NKAIN2: variants seen among roughly 807,000 people sequenced by gnomAD.
NKAIN2 encodes the protein sodium/potassium transporting ATPase interacting 2.
Under a neutral mutation model 32.6 loss-of-function variants are expected in NKAIN2, and 14 were observed. The ratio of observed to expected loss-of-function variants is 0.43; its 90% CI spans 0.28 to 0.67. The LOEUF (loss-of-function observed/expected upper bound fraction) is 0.67. NKAIN2 is among the 30% of genes least tolerant of loss of function. The pLI is 0.17. For missense variants in NKAIN2, 198 were observed against 258.3 expected (o/e 0.77, Z 1.60); for synonymous variants, 80 against 87.2 (o/e 0.92, Z 0.46).
chr6:124,480,977 A>C (rs1169274565), intron 3 of NKAIN2, among the ~76,000 whole-genome samples: 1 of 152,132 alleles, frequency 6.6e-6, no homozygotes, highest in African/African-American at 2.4e-5. Context: ...TCTTATTAGG[A>C]GTAACACTGG....
intron 3 of NKAIN2, among the ~76,000 whole-genome samples, chr6:124,633,508 T>G (rs1783651885): frequency 1.3e-5 from 2 of 152,190 alleles, no homozygotes; most frequent in South Asian, 4.1e-4. Context: ...AAAGTGACCA[T>G]GAAATTCATC....
intron 1 of NKAIN2, among the ~76,000 whole-genome samples, chr6:124,233,174 A>G (rs1200105166): frequency 6.6e-6 from 1 of 151,856 alleles, no homozygotes. Flanking sequence ...TAATATTCAT[A>G]CTCTACATGA....
At chr6:124,256,181 G>A (rs1793921013) in intron 1 of NKAIN2, among the ~76,000 whole-genome samples, 1 of 152,140 alleles carries the variant, frequency 6.6e-6, no homozygotes, top group African/African-American at 2.4e-5. Flanking sequence ...TCTGAAGGTA[G>A]GGAAATGTTG....
rs1349389026 is a variant in NKAIN2 at position 124,258,156 on chromosome 6, A to C, written c.55-24849A>C. Among the ~76,000 whole-genome samples, 25 of 152,206 alleles carry C rather than the reference A, an allele frequency of 1.6e-4. No homozygotes were observed. The East Asian group carries it at 4.6e-3, about 28-fold the overall frequency. On this transcript the variant is annotated intron_variant, in intron 1 of 6. Coordinates refer to ENST00000368417, the MANE Select transcript of NKAIN2 (RefSeq NM_001040214.3). ...TTTTTCAAGATTAAAAAAAAAAAAAAACTGAGGTATAGACAGAGGAATTAA... is the reference window on the plus strand; with the variant it reads ...TTTTTCAAGATTAAAAAAAAAAAAACACTGAGGTATAGACAGAGGAATTAA...
chr6:124,254,287 A>G (rs983646016), intron 1 of NKAIN2, among the ~76,000 whole-genome samples: 5 of 152,296 alleles, frequency 3.3e-5, no homozygotes, highest in Admixed American at 6.5e-5. Flanking sequence ...AATTTGCCCA[A>G]TTGAGCAAAT....
chr6:124,073,066 A>C (rs763329238), intron 1 of NKAIN2, among the ~76,000 whole-genome samples: 3 of 152,160 alleles, frequency 2.0e-5, no homozygotes, highest in Non-Finnish European at 2.9e-5. Context: ...CCATGGAGGG[A>C]AGCAGGGTTG....
intron 3 of NKAIN2, among the ~76,000 whole-genome samples, chr6:124,542,620 AC>A (rs1338284834): frequency 6.6e-6 from 1 of 152,188 alleles, no homozygotes; most frequent in Non-Finnish European, 1.5e-5. Flanking sequence ...TTAGGTAAAG[AC>A]ATTTCTCTTA....
At chr6:124,364,621 A>G (rs1799440648) in intron 3 of NKAIN2, among the ~76,000 whole-genome samples, 1 of 152,024 alleles carries the variant, frequency 6.6e-6, no homozygotes, top group South Asian at 2.1e-4. Flanking sequence ...CCAACCTAGA[A>G]TTCTTTACCC....
At chr6:123,970,548 G>A (rs1778292156) in intron 1 of NKAIN2, among the ~76,000 whole-genome samples, 1 of 152,156 alleles carries the variant, frequency 6.6e-6, no homozygotes, top group African/African-American at 2.4e-5. Flanking sequence ...TGAAAGATGA[G>A]GATTTTTGTT....
intron 1 of NKAIN2, among the ~76,000 whole-genome samples, chr6:123,954,900 G>A (rs553802884): frequency 2.1e-4 from 32 of 152,170 alleles, no homozygotes; most frequent in African/African-American, 6.5e-4. Flanking sequence ...TCCAGTGAAG[G>A]AAGCTGTCAG....
At chr6:124,119,110 A>G (rs1324495170) in intron 1 of NKAIN2, among the ~76,000 whole-genome samples, 1 of 152,212 alleles carries the variant, frequency 6.6e-6, no homozygotes, top group East Asian at 1.9e-4. Flanking sequence ...GACCTGAAAG[A>G]CATTCTATTA....
chr6:123,879,269 C>G (rs778357491), intron 1 of NKAIN2, among the ~76,000 whole-genome samples: 1 of 152,144 alleles, frequency 6.6e-6, no homozygotes, highest in Admixed American at 6.5e-5. Flanking sequence ...TGCTTCATGT[C>G]TGCTGCTCAG....
chr6:124,595,496 G>A (rs1782051186), intron 3 of NKAIN2, among the ~76,000 whole-genome samples: 1 of 152,172 alleles, frequency 6.6e-6, no homozygotes, highest in Admixed American at 6.5e-5. Flanking sequence ...AATCTTACTT[G>A]AAGATCTGGA....
intron 2 of NKAIN2, among the ~76,000 whole-genome samples, chr6:124,350,833 G>A (rs547520009): frequency 1.3e-5 from 2 of 152,178 alleles, no homozygotes; most frequent in Admixed American, 1.3e-4. Flanking sequence ...CTGTCAAGAG[G>A]CAACTCATAG....
At chr6:123,911,104 A>G (rs1775155971) in intron 1 of NKAIN2, among the ~76,000 whole-genome samples, 1 of 152,024 alleles carries the variant, frequency 6.6e-6, no homozygotes, top group African/African-American at 2.4e-5. Context: ...GGTCTGGCAT[A>G]TAGACATTTT....
chr6:123,941,001 C>T (rs1055025047), intron 1 of NKAIN2, among the ~76,000 whole-genome samples: 19 of 151,304 alleles, frequency 1.3e-4, no homozygotes, highest in Non-Finnish European at 7.4e-5. Context: ...TTCTTTATGT[C>T]CTTAATTTAT....
intron 1 of NKAIN2, among the ~76,000 whole-genome samples, chr6:124,266,260 T>G (rs567075910): frequency 6.6e-6 from 1 of 152,170 alleles, no homozygotes; most frequent in Non-Finnish European, 1.5e-5. Context: ...ACTCTATATA[T>G]GTGACTGAGA....
intron 3 of NKAIN2, among the ~76,000 whole-genome samples, chr6:124,567,853 C>T (rs183333300): frequency 2.0e-5 from 3 of 152,144 alleles, no homozygotes; most frequent in Admixed American, 6.5e-5. Context: ...GTGAGCCATA[C>T]AAAAACAATC....
At chr6:124,067,503 A>T (rs1783245380) in intron 1 of NKAIN2, among the ~76,000 whole-genome samples, 1 of 152,220 alleles carries the variant, frequency 6.6e-6, no homozygotes, top group Non-Finnish European at 1.5e-5. Context: ...AAGTCTGAGG[A>T]CCAGATATCT....
Sources: gnomAD v4.1 joint callset for allele counts (sites outside exome capture counted in the v4.1 genomes callset) on GRCh38, gnomAD v4.1.1 for gene constraint, MANE v1.5 for transcripts, NCBI Gene and HGNC (gene_info 2026-07-23, HGNC 2026-07-21) for gene names.